The following DAB2 variants were observed in gnomAD, a reference collection of about 807,000 sequenced individuals.
DAB2 encodes disabled homolog 2.
Under a neutral mutation model 71.6 loss-of-function variants are expected in DAB2, and 28 were observed. That is an observed-to-expected ratio of 0.39 (90% CI 0.29 to 0.54). The LOEUF is 0.54. Ranked by LOEUF, DAB2 falls within the 20% of genes least tolerant of loss-of-function variation. DAB2 has a pLI of 0.68. For missense variants in DAB2, 867 were observed against 928.8 expected (o/e 0.93, Z 0.86); for synonymous variants, 345 against 339.7 (o/e 1.02, Z -0.17).
At chr5:39,390,885 G>A (rs192626263) in intron 4 of DAB2, among the ~76,000 whole-genome samples, 324 of 152,244 alleles carry the variant, frequency 2.1e-3, no homozygotes, top group Non-Finnish European at 2.9e-3. Context: ...AAGTGAAGAG[G>A]AGACATTTAG....
rs1756007390 is a variant in DAB2 at position 39,422,231 on chromosome 5, C to T, written c.-102+2573G>A. 6.6e-6 allele frequency among the ~76,000 whole-genome samples: 1 copy of T among 152,138 alleles called. No individual in the cohort carries two copies. The highest frequency in any genetic ancestry group is 2.1e-4 in the South Asian group (1 of 4,832). On this transcript the variant is annotated intron_variant, in intron 1 of 14. Coordinates refer to ENST00000320816, the MANE Select transcript of DAB2 (RefSeq NM_001343.4). The surrounding 1 kb of genome is among the most constrained non-coding windows in gnomAD (Gnocchi z 4.1). ...CCTGTTACTCAGGTGTTTCATATTG[C>T]CAATCTGGTTCCCATTCTGGTTCTG... is the stretch of plus-strand genomic sequence containing the variant.
intron 2 of DAB2, 152 bp downstream of exon 2, chr5:39,394,078 C>A (rs1392014846): frequency 4.7e-6 from 3 of 641,602 alleles, no homozygotes; most frequent in Non-Finnish European, 8.1e-6. Context: ...GTCTCTTCTC[C>A]CAAGGTACAA....
At chr5:39,376,301 G>A (rs926312667) in intron 12 of DAB2, among the ~76,000 whole-genome samples, 195 bp from the exon 13 acceptor site, 1 of 152,178 alleles carries the variant, frequency 6.6e-6, no homozygotes, top group African/African-American at 2.4e-5. Flanking sequence ...ATATTTATCT[G>A]AAGTGGAAGA....
chr5:39,417,937 A>G (rs758023692), intron 1 of DAB2: 5 of 152,242 alleles, frequency 3.3e-5, no homozygotes. Flanking sequence ...TAGCCCAGGC[A>G]GAAATCAATA....
chr5:39,387,279 T>C (rs55742264), intron 9 of DAB2, among the ~76,000 whole-genome samples: 4,561 of 152,278 alleles, frequency 0.03, 98 homozygotes, highest in Middle Eastern at 0.044. Context: ...GATAATTTCC[T>C]GATACAAGAG....
chr5:39,384,284 T>C (rs1755046296), intron 9 of DAB2, among the ~76,000 whole-genome samples: 1 of 152,230 alleles, frequency 6.6e-6, no homozygotes, highest in Non-Finnish European at 1.5e-5. Flanking sequence ...ATTTTTCTCA[T>C]ATACATACAC....
intron 14 of DAB2, among the ~76,000 whole-genome samples, chr5:39,374,505 A>G (rs1412676480): frequency 1.3e-5 from 2 of 152,230 alleles, no homozygotes; most frequent in Non-Finnish European, 2.9e-5. Flanking sequence ...TAGTTGTTAA[A>G]ACTTTCAGAT....
At chr5:39,392,985 G>A (rs969467901) in intron 3 of DAB2, among the ~76,000 whole-genome samples, 9 of 152,134 alleles carry the variant, frequency 5.9e-5, no homozygotes, top group Middle Eastern at 3.2e-3. Flanking sequence ...AATAGAAATA[G>A]GAATACGCTT....
intron 2 of DAB2, among the ~76,000 whole-genome samples, chr5:39,393,691 T>C (rs567277431): frequency 6.6e-6 from 1 of 152,238 alleles, no homozygotes. Context: ...CATCATAGTT[T>C]TTTTTAAGTC....
At chr5:39,381,340 T>C in intron 11 of DAB2, 114 bp downstream of exon 11, 1 of 1,062,932 alleles carries the variant, frequency 9.4e-7, no homozygotes, top group Non-Finnish European at 1.4e-6. Flanking sequence ...CTCCCTGGGA[T>C]GCTCAAATCT....
chr5:39,390,914 T>C (rs1293885658), intron 4 of DAB2, among the ~76,000 whole-genome samples: 2 of 152,246 alleles, frequency 1.3e-5, no homozygotes, highest in African/African-American at 2.4e-5. Flanking sequence ...CCAAGCCAAA[T>C]AGGTCTACTT....
chr5:39,388,205 C>T (rs1755141840), intron 9 of DAB2, 100 bp downstream of exon 9: 1 of 837,948 alleles, frequency 1.2e-6, no homozygotes, highest in Non-Finnish European at 2.0e-6. Flanking sequence ...TCAACAGTCA[C>T]CTTCCAAGTT....
rs139986990 is a variant in DAB2 at position 39,404,885 on chromosome 5, C to T, written c.-101-10464G>A. On this transcript the variant is annotated intron_variant, in intron 1 of 14. Transcript: ENST00000320816. ...TGAGCCACTGCACTTGGCCTTTAGA[C>T]GGGGCAGTGCCACCCAATTCACGGC... Among the ~76,000 whole-genome samples the T allele has an allele frequency of 6.9e-4, 105 of 152,284 alleles. 1 individual carries two copies. The highest frequency in any genetic ancestry group is 2.0e-3 in the African/African-American group (85 of 41,576).
chr5:39,383,107 G>A lies in DAB2; in HGVS notation c.852C>T (p.Leu284=). The A allele has an allele frequency of 6.2e-7, 1 of 1,614,172 alleles. No homozygotes were observed. Residue 284 remains leucine, a synonymous_variant, in exon 10 of 15, where the codon CTC becomes CTT. Transcript: ENST00000320816. ...FLPENAFSAN[L]NFFPTPNPDP... is the part of the protein sequence containing the mutation. ...CAGGATTAGGGGTGGGAAAGAAGTT[G>A]AGATTGGCAGAAAAGGCATTTTCAG...
chr5:39,424,408 A>T (rs1390867646), intron 1 of DAB2, among the ~76,000 whole-genome samples: 1 of 151,444 alleles, frequency 6.6e-6, no homozygotes, highest in Non-Finnish European at 1.5e-5. Flanking sequence ...ACACCCTTCG[A>T]GGAGTTAATT....
intron 9 of DAB2, among the ~76,000 whole-genome samples, chr5:39,383,547 C>T (rs1693034502): frequency 6.6e-6 from 1 of 152,158 alleles, no homozygotes; most frequent in Non-Finnish European, 1.5e-5. Flanking sequence ...TGTCTCTGCT[C>T]ACCCTGGTTC....
chr5:39,419,406 C>T (rs1755923171), intron 1 of DAB2, among the ~76,000 whole-genome samples: 1 of 152,198 alleles, frequency 6.6e-6, no homozygotes. Context: ...GGCTCTACCA[C>T]TTAATGATAA....
Position 39,393,321 on chromosome 5 carries a change from A to G in DAB2, c.164T>C (p.Ile55Thr). 1 of 1,614,070 alleles carries G rather than the reference A, an allele frequency of 6.2e-7. No homozygotes were observed. Residue 55 changes from isoleucine to threonine, a missense_variant, in exon 3 of 15, where the codon ATT (isoleucine) becomes ACT (threonine). By Grantham distance (89) the Ile-to-Thr change is moderately conservative (BLOSUM62 -1). This residue lies in a region of DAB2 where 127 missense variants were observed against 194.4 expected (regional missense o/e 0.65). Transcript: ENST00000320816. Reference protein sequence around the residue: ...GDGVKYKAKLIGIDDVPDARG... With the variant: ...GDGVKYKAKLTGIDDVPDARG... ...TGCATCTGGCACATCATCAATGCCA[A>G]TCAGCTTGGCCTTATATTTTACACC...
At chr5:39,401,247 C>T (rs914079836) in intron 1 of DAB2, among the ~76,000 whole-genome samples, 1 of 152,152 alleles carries the variant, frequency 6.6e-6, no homozygotes, top group African/African-American at 2.4e-5. Flanking sequence ...TAAATGCTGA[C>T]ACTACTGTAG....
Sources: gnomAD v4.1 joint callset for allele counts (sites outside exome capture counted in the v4.1 genomes callset) on GRCh38, gnomAD v4.1.1 for gene constraint, gnomAD v4.1.1 regional missense constraint, Gnocchi (gnomAD v3.1) non-coding constraint, MANE v1.5 for transcripts, NCBI Gene and HGNC (gene_info 2026-07-23, HGNC 2026-07-21) for gene names.